Variants in ITGA9 observed in about 807,000 individuals in gnomAD.
ITGA9 encodes integrin subunit alpha 9.
In ITGA9, 56 loss-of-function variants were observed where a neutral mutation model predicts 127.8. That is an observed-to-expected ratio of 0.44 (90% CI 0.35 to 0.55). ITGA9 has a LOEUF of 0.55. Among genes scored for constraint, ITGA9 ranks in the 20% least tolerant of loss-of-function variants. The pLI, the probability that ITGA9 is intolerant of heterozygous loss-of-function variation, is 0.00. For synonymous variants in ITGA9, 508 were observed against 514.5 expected (o/e 0.99, Z 0.17); for missense variants, 1,196 against 1,347.1 (o/e 0.89, Z 1.76).
At chr3:37,728,430 C>G (rs1007572856) in intron 18 of ITGA9, among the ~76,000 whole-genome samples, 2 of 151,982 alleles carry the variant, frequency 1.3e-5, no homozygotes, top group Non-Finnish European at 2.9e-5. Flanking sequence ...AAAGAATTAC[C>G]TTGTGGGTAT....
At chr3:37,482,455 G>T (rs903250388) in intron 4 of ITGA9, among the ~76,000 whole-genome samples, 1 of 152,186 alleles carries the variant, frequency 6.6e-6, no homozygotes, top group East Asian at 1.9e-4. Context: ...TTGATAGCTC[G>T]TAGTTTCAAG....
intron 17 of ITGA9, among the ~76,000 whole-genome samples, chr3:37,655,664 G>A (rs1415994765): frequency 6.6e-6 from 1 of 152,150 alleles, no homozygotes; most frequent in Admixed American, 6.5e-5. Context: ...TCTGATGATA[G>A]TTTCTTTTGC....
At chr3:37,637,193 G>C (rs1376121151) in intron 16 of ITGA9, among the ~76,000 whole-genome samples, 1 of 152,086 alleles carries the variant, frequency 6.6e-6, no homozygotes, top group Non-Finnish European at 1.5e-5. Context: ...GCTTGATGGG[G>C]ATGGCATTGA....
chr3:37,818,993 G>A lies in ITGA9; in HGVS notation c.*4G>A, dbSNP rs781182278. The A allele has an allele frequency of 2.0e-5, 32 of 1,590,068 alleles. No homozygotes were observed. The highest frequency in any genetic ancestry group is 2.0e-4 in the Admixed American group (12 of 59,978). On this transcript the variant is annotated 3_prime_UTR_variant, in exon 28 of 28. Coordinates refer to ENST00000264741, the MANE Select transcript of ITGA9 (RefSeq NM_002207.3). ...CTGGGTCCAGAAAAACCAGTGAGCT[G>A]CCACACCAGTCACATGACCTGATCA...
At chr3:37,458,952 C>T (rs781774888) in intron 1 of ITGA9, among the ~76,000 whole-genome samples, 12 of 152,080 alleles carry the variant, frequency 7.9e-5, no homozygotes, top group East Asian at 3.9e-4. Context: ...GTGGATTTGG[C>T]GATCAACCAA....
intron 18 of ITGA9, among the ~76,000 whole-genome samples, chr3:37,721,114 CTTTTT>C (rs35254377): frequency 3.2e-5 from 3 of 93,254 alleles, no homozygotes; most frequent in Admixed American, 1.4e-4. Context: ...CTTTTCTTGC[CTTTTT>C]TTTTTTTTTT....
chr3:37,601,638 C>T (rs760885438), intron 15 of ITGA9, among the ~76,000 whole-genome samples: 1 of 152,194 alleles, frequency 6.6e-6, no homozygotes, highest in Non-Finnish European at 1.5e-5. Context: ...CCATGGCTTC[C>T]ACGCCTCATC....
intron 14 of ITGA9, among the ~76,000 whole-genome samples, chr3:37,537,841 A>G (rs1240410371): frequency 6.6e-6 from 1 of 152,226 alleles, no homozygotes; most frequent in Non-Finnish European, 1.5e-5. Context: ...AACGTATTTC[A>G]TAAAGCACTT....
At chr3:37,591,205 C>A (rs1699814882) in intron 15 of ITGA9, among the ~76,000 whole-genome samples, 2 of 152,166 alleles carry the variant, frequency 1.3e-5, no homozygotes, top group Non-Finnish European at 2.9e-5. Flanking sequence ...ATTTTTTCCC[C>A]ACCTCCTTTT....
At position 37,629,595 on chromosome 3, in the gene ITGA9, T is replaced by A. The variant is rs1700210597; in HGVS notation, c.1839+259T>A. ...AGAAGTTACAATCCCCTCGAGTTCG[T>A]GAACTGGCTGGCCACTTGGTCCCTG... On this transcript the variant is annotated intron_variant, in intron 16 of 27. Coordinates refer to ENST00000264741, the MANE Select transcript of ITGA9 (RefSeq NM_002207.3). This position sits in a 1 kb window ranked among gnomAD's most constrained non-coding sequence, Gnocchi z 4.5. The A allele has an allele frequency of 1.6e-6, 1 of 611,172 alleles. No individual in the cohort carries two copies. The highest frequency in any genetic ancestry group is 1.8e-5 in the African/African-American group (1 of 54,088). 37.9% of individuals were successfully genotyped at this position (611,172 alleles called of 1,614,324 possible).
In ITGA9 at chr3:37,604,118, C is replaced by T. The variant is rs181756102; in HGVS notation, c.1690-25069C>T. 3.7e-4 allele frequency among the ~76,000 whole-genome samples: 57 copies of T among 152,348 alleles called. 1 individual carries two copies. The highest frequency in any genetic ancestry group is 4.6e-4 in the Non-Finnish European group (31 of 68,030). ...TAAGACATCATCAAGGTTCCTCCAA[C>T]CCCTGCTCCTCATCACACTGCACAG... On this transcript the variant is annotated intron_variant, in intron 15 of 27. Coordinates refer to ENST00000264741, the MANE Select transcript of ITGA9 (RefSeq NM_002207.3).
At chr3:37,730,905 G>A (rs1696283068) in intron 18 of ITGA9, among the ~76,000 whole-genome samples, 1 of 152,172 alleles carries the variant, frequency 6.6e-6, no homozygotes, top group African/African-American at 2.4e-5. Flanking sequence ...CACGGGGCAG[G>A]GGTGGAAGAA....
At chr3:37,748,793 TG>T in intron 22 of ITGA9, 1 of 729,768 alleles carries the variant, frequency 1.4e-6, no homozygotes. Context: ...GAAAGATACC[TG>T]GGTCCAACTG....
chr3:37,551,210 G>T (rs758186607), intron 15 of ITGA9, among the ~76,000 whole-genome samples: 2 of 152,144 alleles, frequency 1.3e-5, no homozygotes, highest in Non-Finnish European at 2.9e-5. Context: ...CAATGGAAAA[G>T]ATTTCATTTA....
chr3:37,488,247 T>G (rs1201887454), intron 4 of ITGA9, among the ~76,000 whole-genome samples: 1 of 152,192 alleles, frequency 6.6e-6, no homozygotes, highest in Non-Finnish European at 1.5e-5. Context: ...TCTTTTAGCT[T>G]TGGTCCCAAA....
chr3:37,521,011 C>T (rs1365187010), intron 11 of ITGA9, among the ~76,000 whole-genome samples: 1 of 152,078 alleles, frequency 6.6e-6, no homozygotes, highest in African/African-American at 2.4e-5. Flanking sequence ...TTGTGGTTAG[C>T]GTGGAGCGTC....
At chr3:37,765,979 A>G (rs988736094) in intron 23 of ITGA9, among the ~76,000 whole-genome samples, 1 of 152,220 alleles carries the variant, frequency 6.6e-6, no homozygotes, top group Non-Finnish European at 1.5e-5. Context: ...GGTCTGCTAC[A>G]TGAATAGGCG....
chr3:37,605,716 G>A (rs1213985822), intron 15 of ITGA9, among the ~76,000 whole-genome samples: 1 of 152,090 alleles, frequency 6.6e-6, no homozygotes, highest in African/African-American at 2.4e-5. Context: ...TGCAATGTTG[G>A]GAAAACGACT....
At chr3:37,683,800 C>T (rs547437507) in intron 17 of ITGA9, 65 bp from the exon 18 acceptor site, 10 of 1,552,988 alleles carry the variant, frequency 6.4e-6, no homozygotes, top group African/African-American at 1.4e-5. Context: ...TCAACTACCC[C>T]CTGTGCCTCA....
Sources: gnomAD v4.1 joint callset for allele counts (sites outside exome capture counted in the v4.1 genomes callset) on GRCh38, gnomAD v4.1.1 for gene constraint, Gnocchi (gnomAD v3.1) non-coding constraint, MANE v1.5 for transcripts, NCBI Gene and HGNC (gene_info 2026-07-23, HGNC 2026-07-21) for gene names.